Variants in SLC41A3 observed in about 807,000 individuals in gnomAD.
The protein encoded by SLC41A3 is SLC41A1-like 2.
SLC41A3 carries 44 observed loss-of-function variants against 45.4 expected under a neutral mutation model. The observed-to-expected ratio is 0.97, with a 90% confidence interval of 0.76 to 1.25. The LOEUF is 1.25. Among genes scored for constraint, SLC41A3 ranks in the 50% most tolerant of loss-of-function variants. The pLI is 0.00. For missense variants in SLC41A3, 550 were observed against 600.6 expected, an observed-to-expected ratio of 0.92 and a Z score of 0.88; for synonymous variants, 256 against 252.4, an observed-to-expected ratio of 1.01 and a Z score of -0.13.
At chr3:126,086,498 CTGTGTGTGTGTGTG>C (rs57609698), upstream of SLC41A3, among the ~76,000 whole-genome samples, 33 of 133,196 alleles carry the variant, frequency 2.5e-4, no homozygotes, top group African/African-American at 5.0e-4. Flanking sequence ...GCTATAGGAT[CTGTGTGTGTGTGTG>C]TGTGTGTGTG....
At chr3:126,025,121 A>G (rs1309528832) in intron 5 of SLC41A3, 1 of 152,204 alleles carries the variant, frequency 6.6e-6, no homozygotes, top group Non-Finnish European at 1.5e-5. Flanking sequence ...TAAAATCAAA[A>G]CACATTTTGT....
At chr3:126,047,469 A>T (rs552408289) in intron 3 of SLC41A3, among the ~76,000 whole-genome samples, 4 of 152,366 alleles carry the variant, frequency 2.6e-5, no homozygotes, top group African/African-American at 9.6e-5. Flanking sequence ...AATCTCAAGA[A>T]AGAACAAGGT....
At chr3:126,008,566 T>C (rs1939373037) in intron 10 of SLC41A3, among the ~76,000 whole-genome samples, 166 bp downstream of exon 10, 1 of 152,026 alleles carries the variant, frequency 6.6e-6, no homozygotes, top group Admixed American at 6.6e-5. Context: ...CAGTGTGGAA[T>C]GGCCTCTGTA....
intron 1 of SLC41A3, among the ~76,000 whole-genome samples, chr3:126,079,232 ACACACACC>A (rs748936420): frequency 1.9e-4 from 27 of 140,004 alleles, no homozygotes; most frequent in Non-Finnish European, 3.2e-4. Context: ...ACACACACAC[ACACACACC>A]CACACACGAT....
At chr3:126,082,967 C>T (rs1463926724) in intron 1 of SLC41A3, among the ~76,000 whole-genome samples, 1 of 152,218 alleles carries the variant, frequency 6.6e-6, no homozygotes, top group Non-Finnish European at 1.5e-5. Flanking sequence ...GGTTGGAATC[C>T]CAGCTCCTCC....
chr3:126,059,262 A>G (rs144647448), intron 2 of SLC41A3, among the ~76,000 whole-genome samples: 14 of 6,566 alleles, frequency 2.1e-3, no homozygotes, highest in African/African-American at 5.9e-3. Context: ...AAAGAAAGAA[A>G]GAAGAAAGAA....
Position 126,021,224 on chromosome 3 carries a change from C to T in SLC41A3, c.745+1562G>A, listed in dbSNP as rs531522744. On this transcript the variant is annotated intron_variant, in intron 6 of 10. Coordinates refer to ENST00000360370, the MANE Select transcript of SLC41A3 (RefSeq NM_017836.4). ...AGAGTTTTTATACCCCCTATCTTTT[C>T]CTGGGCTTTCTGTGTCCTCCTTTTG... 4.2e-3 allele frequency among the ~76,000 whole-genome samples: 552 copies of T among 132,072 alleles called. 8 individuals are homozygous for T. Among genetic ancestry groups the T allele is most frequent in the Non-Finnish European group, 5.4e-3 (320 of 59,602 alleles). The allele number at this position is 132,072 out of a possible 152,430, so 86.6% of individuals were successfully genotyped here. A position where few individuals can be genotyped will look rare whatever the true frequency, so the allele number is the denominator to read the frequency against.
chr3:126,066,016 T>C (rs1944330454), intron 2 of SLC41A3, among the ~76,000 whole-genome samples: 3 of 152,158 alleles, frequency 2.0e-5, no homozygotes, highest in African/African-American at 7.2e-5. Flanking sequence ...GTACTGATGC[T>C]TTTAGCCAAT....
chr3:126,070,253 C>T (rs771497482), intron 1 of SLC41A3: 2 of 152,252 alleles, frequency 1.3e-5, no homozygotes, highest in Non-Finnish European at 2.9e-5. Context: ...CTGGGCCACA[C>T]AGCAGAAGGT....
Position 126,022,951 on chromosome 3 carries a change from G to C in SLC41A3, c.599-19C>G. Reference sequence around the variant, plus strand: ...AGCACCCCTGCAGAGAGAGAGAGGAGAAACAGCAGACTCAAATCCCAGGGA... The same window carrying C: ...AGCACCCCTGCAGAGAGAGAGAGGACAAACAGCAGACTCAAATCCCAGGGA... On this transcript the variant is annotated intron_variant, in intron 5 of 10. Coordinates refer to ENST00000360370, the MANE Select transcript of SLC41A3 (RefSeq NM_017836.4). 1 of 1,613,368 alleles carries C rather than the reference G, an allele frequency of 6.2e-7. No homozygotes were observed. Among genetic ancestry groups the C allele is most frequent in the Non-Finnish European group, 8.5e-7 (1 of 1,179,508 alleles).
rs138397950 is a variant in SLC41A3, at chr3:126,058,770, G to A, written c.274-7720C>T. The stretch of plus-strand genomic sequence containing the variant: ...TTGCAATCTGGAAAGACACATCCAC[G>A]TGAGCCTCCTTCTTGCAAGTACATG... On this transcript the variant is annotated intron_variant, in intron 2 of 10. Coordinates refer to ENST00000360370, the MANE Select transcript of SLC41A3 (RefSeq NM_017836.4). Among the ~76,000 whole-genome samples the A allele has an allele frequency of 4.6e-5, 7 of 152,284 alleles. No individual in the cohort carries two copies. In the East Asian group the frequency reaches 1.4e-3, roughly 30 times the overall value.
At chr3:126,077,067 T>C (rs972552375) in intron 1 of SLC41A3, among the ~76,000 whole-genome samples, 1 of 152,146 alleles carries the variant, frequency 6.6e-6, no homozygotes, top group Non-Finnish European at 1.5e-5. Context: ...ATAAAAAATA[T>C]AATTTAGACA....
intron 2 of SLC41A3, among the ~76,000 whole-genome samples, chr3:126,067,105 CCCG>C (rs1944389466): frequency 7.5e-6 from 1 of 132,634 alleles, no homozygotes; most frequent in African/African-American, 2.9e-5. Flanking sequence ...CCCCCCGCCC[CCCG>C]CCCCGGCCAC....
chr3:126,008,876 G>T lies in SLC41A3; in HGVS notation c.1110C>A (p.Ile370=). 1 of 1,613,906 alleles carries T rather than the reference G, an allele frequency of 6.2e-7. No homozygotes were observed. The highest frequency in any genetic ancestry group is 1.1e-5 in the South Asian group (1 of 91,050). ...NPCSTFCTSE[I]NSMSARVLLL... ...GCAGGACTCGAGCTGACATGGAATT[G>T]ATTTCTGAAAGAAACAGAACCAAGA... The change falls in exon 10 of 11, where the codon ATC becomes ATA. Residue 370 remains isoleucine (I), a synonymous_variant. Coordinates refer to ENST00000360370, the MANE Select transcript of SLC41A3 (RefSeq NM_017836.4).
chr3:126,020,000 G>A lies in SLC41A3; in HGVS notation c.745+2786C>T, dbSNP rs544207658. On this transcript the variant is annotated intron_variant, in intron 6 of 10. Coordinates refer to ENST00000360370, the MANE Select transcript of SLC41A3 (RefSeq NM_017836.4). ...GGCTTCAGCCCTGAAACAAGTCTTC[G>A]TCTGGGCCCCCAGGCTTTGGACAAA... Among the ~76,000 whole-genome samples the A allele has an allele frequency of 1.5e-4, 23 of 152,186 alleles. No homozygotes were observed. The East Asian group carries it at 2.9e-3, about 19-fold the overall frequency.
intron 6 of SLC41A3, among the ~76,000 whole-genome samples, chr3:126,019,811 C>T (rs1680212664): frequency 6.6e-6 from 1 of 152,032 alleles, no homozygotes. Context: ...TCAGTCCACC[C>T]AGCTCTCCCA....
At chr3:126,088,689 G>A (rs1408565679), upstream of SLC41A3, among the ~76,000 whole-genome samples, 1 of 152,104 alleles carries the variant, frequency 6.6e-6, no homozygotes, top group East Asian at 1.9e-4. Flanking sequence ...TAGTCAATGT[G>A]GGGGAAGGGC....
chr3:126,092,475 C>CG (rs1263804825), intron 1 of SLC41A3: 2 of 152,156 alleles, frequency 1.3e-5, no homozygotes, highest in Non-Finnish European at 2.9e-5. Context: ...AATCTGTGTT[C>CG]GGGGCTCTCA....
At chr3:126,040,625 A>G (rs946941001) in intron 3 of SLC41A3, among the ~76,000 whole-genome samples, 6 of 152,022 alleles carry the variant, frequency 3.9e-5, no homozygotes, top group Non-Finnish European at 7.4e-5. Flanking sequence ...CCTGGCTCCA[A>G]GCAGATGCAG....
Sources: allele counts gnomAD v4.1 joint callset (sites outside exome capture counted in the v4.1 genomes callset), GRCh38; gene constraint gnomAD v4.1.1; transcripts MANE v1.5; gene names NCBI Gene and HGNC (gene_info 2026-07-23, HGNC 2026-07-21).